RALYL: variants seen among roughly 807,000 people sequenced by gnomAD.
RALYL encodes RALY RNA binding protein like, also known as RNA-binding Raly-like protein.
RALYL carries 29 observed loss-of-function variants against 35.1 expected under a neutral mutation model. The ratio of observed to expected loss-of-function variants is 0.83; its 90% CI spans 0.61 to 1.13. The LOEUF (loss-of-function observed/expected upper bound fraction) is 1.13. Ranked by LOEUF, RALYL falls within the 50% of genes most tolerant of loss-of-function variation. RALYL has a pLI of 0.00. For synonymous variants in RALYL, 120 were observed against 127.6 expected, an observed-to-expected ratio of 0.94 and a Z score of 0.40; for missense variants, 359 against 360.4, an observed-to-expected ratio of 1.00 and a Z score of 0.03.
intron 1 of RALYL, among the ~76,000 whole-genome samples, chr8:84,504,933 C>T (rs571079692): frequency 2.0e-5 from 3 of 152,196 alleles, no homozygotes; most frequent in African/African-American, 7.2e-5. Context: ...TTGCTACGCC[C>T]GCACCCCTAT....
At chr8:84,308,111 A>G (rs902417044) in intron 1 of RALYL, among the ~76,000 whole-genome samples, 8 of 152,140 alleles carry the variant, frequency 5.3e-5, no homozygotes, top group Non-Finnish European at 7.4e-5. Flanking sequence ...GAAAAAAATT[A>G]GGAACATAAA....
chr8:84,598,551 AT>A (rs922405337), intron 2 of RALYL, among the ~76,000 whole-genome samples: 6 of 151,906 alleles, frequency 3.9e-5, no homozygotes, highest in Non-Finnish European at 2.9e-5. Flanking sequence ...AAAGGATCTC[AT>A]TTTTTTTAAT....
rs1194067455 is a variant in RALYL at position 84,446,413 on chromosome 8, A to G, written c.-23-82886A>G. On this transcript the variant is annotated intron_variant, in intron 1 of 8. Coordinates refer to ENST00000521268, the MANE Select transcript of RALYL (RefSeq NM_173848.7). ...AAAAGGAAAAATACAGAATCGTTAT[A>G]TTCATGGATCTAGCTCTGGAAGGGC... Among the ~76,000 whole-genome samples the G allele has an allele frequency of 2.0e-5, 3 of 152,118 alleles. No individual in the cohort carries two copies. In the East Asian group the frequency reaches 5.8e-4, roughly 30 times the overall value.
chr8:84,187,443 G>A (rs1812805157), intron 1 of RALYL, among the ~76,000 whole-genome samples: 1 of 152,004 alleles, frequency 6.6e-6, no homozygotes, highest in African/African-American at 2.4e-5. Context: ...TCATAATCAA[G>A]TAACACCCTG....
chr8:84,273,875 G>A (rs1045703207), intron 1 of RALYL, among the ~76,000 whole-genome samples: 3 of 152,148 alleles, frequency 2.0e-5, no homozygotes, highest in African/African-American at 2.4e-5. Context: ...TCATGCTCCC[G>A]TGTAAATTGT....
chr8:84,780,682 G>A (rs1817949072), intron 3 of RALYL, among the ~76,000 whole-genome samples: 1 of 151,962 alleles, frequency 6.6e-6, no homozygotes, highest in Non-Finnish European at 1.5e-5. Context: ...TGATTTTTTT[G>A]TTCCTCAGCT....
At chr8:84,736,965 A>G (rs1847429178) in intron 2 of RALYL, among the ~76,000 whole-genome samples, 1 of 152,070 alleles carries the variant, frequency 6.6e-6, no homozygotes, top group South Asian at 2.1e-4. Flanking sequence ...AAACTGTAAT[A>G]TTACTACTAA....
At chr8:84,856,750 C>T (rs1037426935) in intron 5 of RALYL, among the ~76,000 whole-genome samples, 2 of 152,236 alleles carry the variant, frequency 1.3e-5, no homozygotes, top group African/African-American at 4.8e-5. Flanking sequence ...ATTTGTGGGC[C>T]GGGCGCGGTG....
chr8:84,310,355 G>GAAAA (rs112900224), intron 1 of RALYL, among the ~76,000 whole-genome samples: 10 of 147,868 alleles, frequency 6.8e-5, no homozygotes, highest in Admixed American at 1.3e-4. Context: ...TTTTTTTAAA[G>GAAAA]AAAAAAAAAA....
intron 1 of RALYL, among the ~76,000 whole-genome samples, chr8:84,521,425 A>G (rs1326636257): frequency 6.6e-6 from 1 of 152,210 alleles, no homozygotes; most frequent in Non-Finnish European, 1.5e-5. Context: ...AAGGAGTTCC[A>G]TTGGTTATTT....
chr8:84,418,365 G>A (rs2044995806), intron 1 of RALYL, among the ~76,000 whole-genome samples: 1 of 151,972 alleles, frequency 6.6e-6, no homozygotes, highest in Non-Finnish European at 1.5e-5. Context: ...GAATACCCTG[G>A]CACATATTAG....
At chr8:84,881,669 C>CT (rs1413375286) in intron 7 of RALYL, among the ~76,000 whole-genome samples, 1 of 151,740 alleles carries the variant, frequency 6.6e-6, no homozygotes, top group African/African-American at 2.4e-5. Context: ...ATATTAAATT[C>CT]TTTTCTTTCA....
intron 1 of RALYL, among the ~76,000 whole-genome samples, chr8:84,222,429 T>C (rs908104155): frequency 1.8e-4 from 27 of 152,104 alleles, no homozygotes; most frequent in African/African-American, 6.0e-4. Flanking sequence ...CTGAATTAGA[T>C]TTCAAAATGG....
At chr8:84,743,247 A>T (rs1265100877) in intron 2 of RALYL, among the ~76,000 whole-genome samples, 1 of 151,968 alleles carries the variant, frequency 6.6e-6, no homozygotes. Flanking sequence ...CTGACACAGG[A>T]TAAAGCTAAC....
intron 1 of RALYL, among the ~76,000 whole-genome samples, chr8:84,343,712 C>T (rs962116932): frequency 2.0e-5 from 3 of 151,998 alleles, no homozygotes; most frequent in Non-Finnish European, 2.9e-5. Flanking sequence ...TCACTGCAAC[C>T]TCAACCTCCA....
intron 2 of RALYL, among the ~76,000 whole-genome samples, chr8:84,744,861 A>T (rs1027916158): frequency 2.0e-5 from 3 of 152,060 alleles, no homozygotes; most frequent in African/African-American, 7.2e-5. Flanking sequence ...GAGTTGAAGT[A>T]CAGGGAGTTT....
At chr8:84,681,915 G>C (rs1467345406) in intron 2 of RALYL, among the ~76,000 whole-genome samples, 2 of 152,152 alleles carry the variant, frequency 1.3e-5, no homozygotes, top group East Asian at 3.8e-4. Flanking sequence ...CCTGTCTTGT[G>C]CCAGTTTTCA....
intron 2 of RALYL, among the ~76,000 whole-genome samples, chr8:84,646,793 C>T (rs1272281120): frequency 6.6e-6 from 1 of 152,018 alleles, no homozygotes; most frequent in Non-Finnish European, 1.5e-5. Context: ...CAATAACTCC[C>T]TGCTGTTGCC....
intron 2 of RALYL, among the ~76,000 whole-genome samples, chr8:84,730,429 T>C (rs1342713920): frequency 6.6e-6 from 1 of 152,108 alleles, no homozygotes; most frequent in African/African-American, 2.4e-5. Flanking sequence ...GCCAATATCA[T>C]ACTGAATGGG....
Sources: allele counts gnomAD v4.1 joint callset (sites outside exome capture counted in the v4.1 genomes callset), GRCh38; gene constraint gnomAD v4.1.1; transcripts MANE v1.5; gene names NCBI Gene and HGNC (gene_info 2026-07-23, HGNC 2026-07-21).